Variants in STK32C observed in about 807,000 individuals in gnomAD.
STK32C encodes serine/threonine kinase 32C.
Under a neutral mutation model 56.5 loss-of-function variants are expected in STK32C, and 31 were observed. The observed-to-expected ratio is 0.55, with a 90% CI of 0.41 to 0.74. The LOEUF is 0.74. STK32C is among the 30% of genes least tolerant of loss of function. The pLI, the probability that STK32C is intolerant of heterozygous loss-of-function variation, is 0.00. For synonymous variants in STK32C, 309 were observed against 289.4 expected (o/e 1.07, Z -0.69); for missense variants, 544 against 676.9 (o/e 0.80, Z 2.18).
intron 1 of STK32C, among the ~76,000 whole-genome samples, chr10:132,280,710 C>T (rs1296165001): frequency 6.6e-6 from 1 of 150,502 alleles, no homozygotes; most frequent in African/African-American, 2.5e-5. Context: ...TGAACCTCCA[C>T]TCCCTGATCA....
chr10:132,330,672 A>ATT (rs57850207), intron 1 of STK32C, among the ~76,000 whole-genome samples: 1,810 of 126,878 alleles, frequency 0.014, 40 homozygotes, highest in African/African-American at 0.039. Context: ...CACACCCAGC[A>ATT]TTTTTTTTTT....
At chr10:132,226,723 G>T in intron 4 of STK32C, 72 bp downstream of exon 4, 1 of 1,556,560 alleles carries the variant, frequency 6.4e-7, no homozygotes, top group South Asian at 1.1e-5. Flanking sequence ...CCGCCGTGCC[G>T]GCAGCCTGAC....
chr10:132,302,148 T>A (rs1030594079), intron 1 of STK32C, among the ~76,000 whole-genome samples: 1 of 152,162 alleles, frequency 6.6e-6, no homozygotes, highest in Non-Finnish European at 1.5e-5. Flanking sequence ...GTCTGTGACT[T>A]TGCCTCCCTC....
intron 1 of STK32C, among the ~76,000 whole-genome samples, chr10:132,272,715 T>C (rs999564724): frequency 2.6e-5 from 4 of 152,190 alleles, no homozygotes; most frequent in Non-Finnish European, 1.5e-5. Context: ...CCCTAGAATC[T>C]ATTCTCAACA....
intron 1 of STK32C, among the ~76,000 whole-genome samples, chr10:132,297,250 C>T (rs2065776596): frequency 6.6e-6 from 1 of 152,242 alleles, no homozygotes; most frequent in South Asian, 2.1e-4. Flanking sequence ...GCCCCAGCCC[C>T]TCCTCCGTGG....
intron 2 of STK32C, among the ~76,000 whole-genome samples, chr10:132,245,334 T>G (rs2063649149): frequency 6.6e-6 from 1 of 152,210 alleles, no homozygotes; most frequent in African/African-American, 2.4e-5. Flanking sequence ...TTCCGAGTGC[T>G]CGTTAAGCCT....
At chr10:132,247,596 G>A (rs2063737364) in intron 1 of STK32C, among the ~76,000 whole-genome samples, 1 of 152,172 alleles carries the variant, frequency 6.6e-6, no homozygotes, top group African/African-American at 2.4e-5. Flanking sequence ...GCCTAGGTGA[G>A]GGGCCAGCCT....
intron 1 of STK32C, among the ~76,000 whole-genome samples, chr10:132,248,295 C>T (rs905631611): frequency 3.3e-5 from 5 of 152,212 alleles, no homozygotes; most frequent in Non-Finnish European, 5.9e-5. Context: ...GCAGCTGGGC[C>T]GTGGCAGGGG....
chr10:132,332,195 T>C (rs941993061), upstream of STK32C: 1 of 155,992 alleles, frequency 6.4e-6, no homozygotes, highest in Middle Eastern at 3.1e-3. Context: ...TGGCCTCCAT[T>C]GTCGGGCTGC....
intron 10 of STK32C, among the ~76,000 whole-genome samples, chr10:132,214,197 AT>A (rs2062399577): frequency 6.6e-6 from 1 of 151,318 alleles, no homozygotes; most frequent in Non-Finnish European, 1.5e-5. Context: ...TTAAAAAAAA[AT>A]CTGTACCTAG....
chr10:132,235,883 C>G (rs560026284), intron 2 of STK32C, among the ~76,000 whole-genome samples: 1 of 148,054 alleles, frequency 6.8e-6, no homozygotes, highest in African/African-American at 2.5e-5. Flanking sequence ...GCGGTGGCTA[C>G]GAAGAGAGTC....
At chr10:132,314,879 G>A (rs918228755) in intron 1 of STK32C, among the ~76,000 whole-genome samples, 4 of 152,192 alleles carry the variant, frequency 2.6e-5, no homozygotes, top group African/African-American at 9.7e-5. Flanking sequence ...GCTCATGCCT[G>A]TAATCCCAGC....
In STK32C at chr10:132,225,740, C is replaced by T; in HGVS notation, c.682+7G>A. 1 of 1,614,150 alleles carries T rather than the reference C, an allele frequency of 6.2e-7. No individual in the cohort carries two copies. Among genetic ancestry groups the T allele is most frequent in the Non-Finnish European group, 8.5e-7 (1 of 1,180,014 alleles). On this transcript the variant is annotated splice_region_variant and intron_variant, in intron 5 of 11. Transcript: ENST00000298630. ...CACCTGGGCTGCCCACACCCAACCC[C>T]ACACACCTCTCTCATCCAGGAGAAT...
chr10:132,270,207 G>A (rs1018686187), intron 1 of STK32C, among the ~76,000 whole-genome samples: 15 of 152,226 alleles, frequency 9.9e-5, no homozygotes, highest in African/African-American at 1.9e-4. Flanking sequence ...CCCAGTCCCC[G>A]GACCTGTGAT....
chr10:132,222,482 C>T (rs2062713108), intron 10 of STK32C, among the ~76,000 whole-genome samples, 159 bp downstream of exon 10: 1 of 152,144 alleles, frequency 6.6e-6, no homozygotes, highest in African/African-American at 2.4e-5. Context: ...CTGGGAAAGG[C>T]AGAAGGGAGG....
At position 132,238,996 on chromosome 10, in the gene STK32C, C is replaced by T. The variant is rs2063402741; in HGVS notation, c.318+6904G>A. Among the ~76,000 whole-genome samples, 6 of 152,284 alleles carry T rather than the reference C, an allele frequency of 3.9e-5. No individual in the cohort carries two copies. In the South Asian group the frequency reaches 1.2e-3, roughly 32 times the overall value. ...TCCTCAGTGCTCCTGAAACCCTCGCCCTGGGCCAGGCTGGACATGCAGGGC... is the reference window on the plus strand; with the variant it reads ...TCCTCAGTGCTCCTGAAACCCTCGCTCTGGGCCAGGCTGGACATGCAGGGC... On this transcript the variant is annotated intron_variant, in intron 2 of 11. Coordinates refer to ENST00000298630, the MANE Select transcript of STK32C (RefSeq NM_173575.4).
chr10:132,234,313 C>T (rs144601880), intron 2 of STK32C, among the ~76,000 whole-genome samples: 13 of 152,332 alleles, frequency 8.5e-5, no homozygotes, highest in African/African-American at 2.9e-4. Flanking sequence ...CTGACACTTC[C>T]CGATGCATCC....
intron 1 of STK32C, among the ~76,000 whole-genome samples, chr10:132,280,185 CA>C (rs1224609699): frequency 7.5e-5 from 11 of 146,354 alleles, no homozygotes; most frequent in South Asian, 2.2e-4. Flanking sequence ...GTGACCACGC[CA>C]CCTGCGCTCC....
intron 1 of STK32C, among the ~76,000 whole-genome samples, chr10:132,262,039 A>T (rs982160922): frequency 6.6e-6 from 1 of 152,230 alleles, no homozygotes; most frequent in African/African-American, 2.4e-5. Context: ...CTGGACTTCA[A>T]ACTCTACTAC....
Sources: allele counts gnomAD v4.1 joint callset (sites outside exome capture counted in the v4.1 genomes callset), GRCh38; gene constraint gnomAD v4.1.1; transcripts MANE v1.5; gene names NCBI Gene and HGNC (gene_info 2026-07-23, HGNC 2026-07-21).